CHD1L: variants seen among roughly 807,000 people sequenced by gnomAD.
CHD1L encodes the protein ATP-dependent chromatin remodeler CHD1L.
Under a neutral mutation model 115.9 loss-of-function variants are expected in CHD1L, and 118 were observed. The ratio of observed to expected loss-of-function variants is 1.02; its 90% confidence interval spans 0.88 to 1.19. The LOEUF (loss-of-function observed/expected upper bound fraction) is 1.19, where lower values mean the gene tolerates loss of function less well. CHD1L is among the 50% of genes most tolerant of loss of function. The pLI is 0.00. For missense variants in CHD1L, 1,179 were observed against 1,065.3 expected (o/e 1.11, Z -1.49); for synonymous variants, 411 against 387.1 (o/e 1.06, Z -0.72).
intron 6 of CHD1L, chr1:147,260,657 C>G (rs1671619687): frequency 6.6e-6 from 1 of 152,146 alleles, no homozygotes; most frequent in Non-Finnish European, 1.5e-5. Context: ...CCCTTCCCCC[C>G]AATTTACCTG....
the CHD1L span, chr1:147,209,071 G>A: frequency 2.5e-6 from 4 of 1,603,472 alleles, no homozygotes; most frequent in Non-Finnish European, 8.5e-7. Flanking sequence ...GGAAGAAATT[G>A]TTTGCTTTTG....
At chr1:147,280,951 A>G (rs587727811) in intron 15 of CHD1L, among the ~76,000 whole-genome samples, 136 of 152,252 alleles carry the variant, frequency 8.9e-4, no homozygotes, top group African/African-American at 3.3e-3. Context: ...ATTATACACA[A>G]TAGTGCTGTT....
At chr1:147,273,469 A>G (rs1479787829) in intron 12 of CHD1L, among the ~76,000 whole-genome samples, 1 of 152,176 alleles carries the variant, frequency 6.6e-6, no homozygotes, top group African/African-American at 2.4e-5. Context: ...TATCTCCCTA[A>G]TAAAATTAAT....
intron 18 of CHD1L, among the ~76,000 whole-genome samples, 200 bp from the exon 19 acceptor site, chr1:147,287,435 C>T (rs587691448): frequency 6.6e-6 from 1 of 152,322 alleles, no homozygotes; most frequent in East Asian, 1.9e-4. Context: ...TTCCTGTTAT[C>T]ATGGCCCCAG....
At chr1:147,260,088 C>T (rs1671423315) in intron 6 of CHD1L, 170 bp downstream of exon 6, 1 of 498,568 alleles carries the variant, frequency 2.0e-6, no homozygotes, top group African/African-American at 1.9e-5. Flanking sequence ...ACTTGTACAG[C>T]TTCACCCATT....
intron 18 of CHD1L, among the ~76,000 whole-genome samples, chr1:147,286,798 A>G (rs1230515134): frequency 6.6e-6 from 1 of 152,180 alleles, no homozygotes. Context: ...CATTGATAAG[A>G]CAAACAAATC....
intron 7 of CHD1L, among the ~76,000 whole-genome samples, chr1:147,265,284 C>T (rs1269427082): frequency 6.6e-6 from 1 of 152,098 alleles, no homozygotes; most frequent in Non-Finnish European, 1.5e-5. Flanking sequence ...TTTTGGGTTA[C>T]CTGACAAAAT....
In CHD1L at chr1:147,259,877, T is replaced by G. The variant is rs782439013; in HGVS notation, c.535T>G (p.Leu179Val). The G allele has an allele frequency of 6.2e-6, 10 of 1,613,814 alleles. No individual in the cohort carries two copies. The highest frequency in any genetic ancestry group is 1.3e-5 in the African/African-American group (1 of 74,934). The change falls in exon 6 of 23, where the codon TTG becomes GTG. Residue 179 changes from leucine to valine, a missense_variant. Coordinates refer to ENST00000369258, the MANE Select transcript of CHD1L (RefSeq NM_004284.6). ...TCTTGTTGTGGATGAAGCTCACAGGTTGAAAAACCAAAGCTCCCTGCTGCA... is the reference window on the plus strand; with the variant it reads ...TCTTGTTGTGGATGAAGCTCACAGGGTGAAAAACCAAAGCTCCCTGCTGCA... The part of the protein sequence containing the change: ...SVLVVDEAHR[L>V]KNQSSLLHKT...
the CHD1L span, among the ~76,000 whole-genome samples, chr1:147,193,328 T>A: frequency 1.3e-5 from 2 of 152,158 alleles, no homozygotes; most frequent in African/African-American, 4.8e-5. Flanking sequence ...TGATGGTAGT[T>A]TGTATTTCTG....
chr1:147,203,613 ACTT>A, the CHD1L span: 2 of 1,209,548 alleles, frequency 1.7e-6, no homozygotes, highest in Non-Finnish European at 2.5e-6. Flanking sequence ...GCCTCAGCAA[ACTT>A]CTTAATAGCG....
At chr1:147,219,403 A>T in the CHD1L span, among the ~76,000 whole-genome samples, 21,729 of 152,008 alleles carry the variant, frequency 0.14, 1,513 homozygotes, top group South Asian at 0.18. Context: ...TTTTTCTTTT[A>T]TTTTTGTTAA....
At chr1:147,217,254 A>T in the CHD1L span, among the ~76,000 whole-genome samples, 1 of 151,964 alleles carries the variant, frequency 6.6e-6, no homozygotes. Context: ...AAAAAGAAAA[A>T]GAAAAAGAAA....
chr1:147,286,347 G>A lies in CHD1L; in HGVS notation c.2068G>A (p.Glu690Lys). 1 of 1,614,180 alleles carries A rather than the reference G, an allele frequency of 6.2e-7. No individual in the cohort carries two copies. The highest frequency in any genetic ancestry group is 8.5e-7 in the Non-Finnish European group (1 of 1,180,038). ...TTACCAGTCCTTCTGCCTGCCCTCTGAGGAGAGCGAGCCAGAGGACCTTGA... is the reference window on the plus strand; with the variant it reads ...TTACCAGTCCTTCTGCCTGCCCTCTAAGGAGAGCGAGCCAGAGGACCTTGA... ...NNYQSFCLPS[E>K]ESEPEDLENG... The change falls in exon 18 of 23, where the codon GAG becomes AAG. Residue 690 changes from glutamate (E) to lysine (K), a missense_variant. Coordinates refer to ENST00000369258, the MANE Select transcript of CHD1L (RefSeq NM_004284.6).
the CHD1L span, chr1:147,174,866 A>G: frequency 7.9e-5 from 12 of 152,296 alleles, no homozygotes; most frequent in African/African-American, 2.9e-4. Flanking sequence ...GGTTGTCCTG[A>G]TGTTACTGTG....
chr1:147,260,870 G>A (rs1342784105), intron 6 of CHD1L: 1 of 152,124 alleles, frequency 6.6e-6, no homozygotes, highest in African/African-American at 2.4e-5. Context: ...TTTCCGAGGA[G>A]TCAGTGCGAT....
intron 1 of CHD1L, among the ~76,000 whole-genome samples, chr1:147,251,573 GGC>G (rs1668413924): frequency 6.6e-6 from 1 of 152,032 alleles, no homozygotes; most frequent in Admixed American, 6.6e-5. Flanking sequence ...CTGTTGCCAA[GGC>G]TGTAGTGCAG....
the CHD1L span, among the ~76,000 whole-genome samples, chr1:147,200,613 T>C: frequency 2.6e-5 from 4 of 151,618 alleles, no homozygotes; most frequent in African/African-American, 9.7e-5. Flanking sequence ...CATATATTCC[T>C]AGCCAAAACT....
intron 21 of CHD1L, 101 bp from the exon 22 acceptor site, chr1:147,294,308 C>A: frequency 1.5e-6 from 1 of 680,898 alleles, no homozygotes; most frequent in Non-Finnish European, 2.4e-6. Context: ...TAATTATGGG[C>A]TTTGAGGGAG....
the CHD1L span, chr1:147,178,070 T>A: frequency 8.5e-7 from 1 of 1,176,150 alleles, no homozygotes; most frequent in Non-Finnish European, 1.2e-6. Context: ...GCAGTCCCAG[T>A]CGAGCCGCGA....
Sources: allele counts gnomAD v4.1 joint callset (sites outside exome capture counted in the v4.1 genomes callset), GRCh38; gene constraint gnomAD v4.1.1; transcripts MANE v1.5; gene names NCBI Gene and HGNC (gene_info 2026-07-23, HGNC 2026-07-21).